LGI2: variants seen among roughly 807,000 people sequenced by gnomAD.
The protein encoded by LGI2 is leucine rich repeat LGI family member 2, also known as leucine-rich repeat LGI family member 2.
Under a neutral mutation model 52.0 loss-of-function variants are expected in LGI2, and 30 were observed. The ratio of observed to expected loss-of-function variants is 0.58; its 90% CI spans 0.43 to 0.78. The LOEUF is 0.78. LGI2 is among the 30% of genes least tolerant of loss of function. The pLI is 0.00. For synonymous variants in LGI2, 270 were observed against 271.8 expected, an observed-to-expected ratio of 0.99 and a Z score of 0.06; for missense variants, 573 against 692.5, an observed-to-expected ratio of 0.83 and a Z score of 1.94.
At chr4:24,995,161 C>T (rs1245705497), downstream of LGI2, among the ~76,000 whole-genome samples, 2 of 152,100 alleles carry the variant, frequency 1.3e-5, no homozygotes, top group African/African-American at 2.4e-5. Flanking sequence ...GTGGAAATGA[C>T]GTCTCTCTCT....
downstream of LGI2, among the ~76,000 whole-genome samples, chr4:24,996,305 T>C (rs1725076980): frequency 6.6e-6 from 1 of 152,192 alleles, no homozygotes; most frequent in South Asian, 2.1e-4. Context: ...GTATCTTTCT[T>C]AAGACTTTTG....
rs1438567230 is a variant in LGI2 at position 25,008,410 on chromosome 4, A to G, written c.820+3925T>C. Among the ~76,000 whole-genome samples, 13 of 152,010 alleles carry G rather than the reference A, an allele frequency of 8.6e-5. No homozygotes were observed. The East Asian group carries it at 2.5e-3, about 30-fold the overall frequency. ...TCTACTAAAAATACAAAAATTATCC[A>G]GGCATGGTGGTGTGTGCCTGTAATC... On this transcript the variant is annotated intron_variant, in intron 7 of 7. Coordinates refer to ENST00000382114, the MANE Select transcript of LGI2 (RefSeq NM_018176.4).
In LGI2 at chr4:25,003,819, T is replaced by A. The variant is rs758971626; in HGVS notation, c.1270A>T (p.Lys424Ter). The A allele has an allele frequency of 6.2e-7, 1 of 1,614,194 alleles. No homozygotes were observed. Among genetic ancestry groups the A allele is most frequent in the Non-Finnish European group, 8.5e-7 (1 of 1,180,040 alleles). ...IPNMEDVLAV[K>*]SFRMQNTLYL... Reference sequence around the variant, plus strand: ...AGGGTATTTTGCATTCGGAAGCTCTTCACAGCCAGTACGTCCTCCATGTTG... The same window carrying A: ...AGGGTATTTTGCATTCGGAAGCTCTACACAGCCAGTACGTCCTCCATGTTG... The change falls in exon 8 of 8, where the codon AAG becomes TAG. Residue 424 changes from lysine (K) to a stop codon, truncating the protein, a stop_gained. Transcript: ENST00000382114. LOFTEE classifies it high-confidence loss of function.
chr4:24,993,084 G>A, the LGI2 span, among the ~76,000 whole-genome samples: 1 of 152,122 alleles, frequency 6.6e-6, no homozygotes, highest in South Asian at 2.1e-4. Context: ...TGTAAAATGG[G>A]GATAATGATT....
At position 24,999,072 on chromosome 4, in the gene LGI2, T is replaced by C. The variant is rs1725160976; in HGVS notation, c.*4379A>G. On this transcript the variant is annotated 3_prime_UTR_variant, in exon 8 of 8. Transcript: ENST00000382114. The stretch of plus-strand genomic sequence containing the variant: ...CATACAAATGGTACCAAATAGCATA[T>C]TGGCCTATTTTATCACAATTCTTAT... The C allele has an allele frequency of 6.6e-6, 1 of 152,208 alleles. No homozygotes were observed. Among genetic ancestry groups the C allele is most frequent in the African/African-American group, 2.4e-5 (1 of 41,440 alleles). The allele number at this position is 152,208 out of a possible 1,614,324, so 9.4% of individuals were successfully genotyped here.
Position 24,999,869 on chromosome 4 carries a change from G to C in LGI2, c.*3582C>G, listed in dbSNP as rs1438376901. 2 of 456,036 alleles carry C rather than the reference G, an allele frequency of 4.4e-6. No homozygotes were observed. The highest frequency in any genetic ancestry group is 8.8e-6 in the Non-Finnish European group (2 of 226,924). The allele number at this position is 456,036 out of a possible 1,614,324, so 28.2% of individuals were successfully genotyped here. A position where few individuals can be genotyped will look rare whatever the true frequency, so the allele number is the denominator to read the frequency against. On this transcript the variant is annotated 3_prime_UTR_variant, in exon 8 of 8. Coordinates refer to ENST00000382114, the MANE Select transcript of LGI2 (RefSeq NM_018176.4). ...AATTCATCACCACTCGTGCATTCAG[G>C]TTTTGAATTTTTCCTTCACAGATCT...
chr4:24,995,923 G>A (rs1465077778), downstream of LGI2, among the ~76,000 whole-genome samples: 1 of 152,200 alleles, frequency 6.6e-6, no homozygotes, highest in Non-Finnish European at 1.5e-5. Flanking sequence ...AACTGATATG[G>A]ATAAATATGG....
At position 25,004,261 on chromosome 4, in the gene LGI2, G is replaced by A; in HGVS notation, c.828C>T (p.Ser276=). ...FRSYDNITGQ[S]IVGCKAILID... is the part of the protein sequence containing the mutation. Reference sequence around the variant, plus strand: ...TGAGAATGGCCTTACAGCCCACGATGGACTGACCTGTGCTCCAAAATAAAG... The same window carrying A: ...TGAGAATGGCCTTACAGCCCACGATAGACTGACCTGTGCTCCAAAATAAAG... Residue 276 remains serine, a synonymous_variant, in exon 8 of 8, where the codon TCC becomes TCT. Transcript: ENST00000382114. This position sits in a 1 kb window ranked among gnomAD's most constrained non-coding sequence, Gnocchi z 4.6. The A allele has an allele frequency of 6.2e-7, 1 of 1,611,284 alleles. No homozygotes were observed. Among genetic ancestry groups the A allele is most frequent in the African/African-American group, 1.3e-5 (1 of 74,872 alleles).
chr4:25,024,542 C>T (rs1304988061), intron 4 of LGI2, among the ~76,000 whole-genome samples: 1 of 152,192 alleles, frequency 6.6e-6, no homozygotes, highest in Non-Finnish European at 1.5e-5. Flanking sequence ...CCATCTCCAC[C>T]ATCAAGCAAC....
rs6448322 is a variant in LGI2 at position 24,999,529 on chromosome 4, G to A, written c.*3922C>T. The A allele has an allele frequency of 0.56, 126,548 of 226,810 alleles. 37,640 individuals carry two copies. The highest frequency in any genetic ancestry group is 0.89 in the East Asian group (6,482 of 7,244). The allele number at this position is 226,810 out of a possible 1,614,324, so 14.0% of individuals were successfully genotyped here. A position where few individuals can be genotyped will look rare whatever the true frequency, so the allele number is the denominator to read the frequency against. ...AAGCTGTTGAACAGAATCTTTGGCC[G>A]CTGCCTAATTAAAGAACTTCCTTCC... On this transcript the variant is annotated 3_prime_UTR_variant, in exon 8 of 8. Coordinates refer to ENST00000382114, the MANE Select transcript of LGI2 (RefSeq NM_018176.4).
At chr4:25,008,808 T>C (rs1252618460) in intron 7 of LGI2, among the ~76,000 whole-genome samples, 2 of 152,134 alleles carry the variant, frequency 1.3e-5, no homozygotes, top group African/African-American at 2.4e-5. Flanking sequence ...CTTCATGTCA[T>C]GCCGCCAAGC....
intron 4 of LGI2, among the ~76,000 whole-genome samples, chr4:25,021,601 A>G (rs545124963): frequency 6.6e-6 from 1 of 152,258 alleles, no homozygotes; most frequent in African/African-American, 2.4e-5. Flanking sequence ...AAATGCTTGA[A>G]TTACTAAATG....
rs541827734 is a variant in LGI2, at chr4:25,017,919, T to TTGA, written c.655+67_655+69dup. ...TATATTCACTTTTCCCCAGTCTCTG[T>TTGA]TGACAGTGTAAAAGAAAGACAAAGA... On this transcript the variant is annotated intron_variant, in intron 6 of 7. Transcript: ENST00000382114. 7.0e-4 allele frequency: 939 copies of TTGA among 1,343,910 alleles called. 1 individual carries two copies. The highest frequency in any genetic ancestry group is 9.0e-4 in the Non-Finnish European group (901 of 999,874). The allele number at this position is 1,343,910 out of a possible 1,614,324, so 83.2% of individuals were successfully genotyped here.
intron 4 of LGI2, among the ~76,000 whole-genome samples, chr4:25,024,058 A>G (rs1178945645): frequency 6.6e-6 from 1 of 152,156 alleles, no homozygotes; most frequent in Non-Finnish European, 1.5e-5. Flanking sequence ...TCTCTATTCC[A>G]CTTTGTCCTA....
chr4:25,026,236 C>T (rs1309150401), intron 3 of LGI2, among the ~76,000 whole-genome samples: 1 of 150,430 alleles, frequency 6.6e-6, no homozygotes, highest in Non-Finnish European at 1.5e-5. Context: ...TACAAAGTTA[C>T]CAAAGACAAG....
At chr4:25,023,174 CA>C (rs1726030350) in intron 4 of LGI2, among the ~76,000 whole-genome samples, 1 of 152,152 alleles carries the variant, frequency 6.6e-6, no homozygotes, top group African/African-American at 2.4e-5. Context: ...TTATGTACAG[CA>C]ATCCTATGAA....
downstream of LGI2, among the ~76,000 whole-genome samples, chr4:24,994,505 T>C (rs1725000402): frequency 6.6e-6 from 1 of 152,132 alleles, no homozygotes; most frequent in Non-Finnish European, 1.5e-5. Context: ...GTGCTATAGG[T>C]GCAATGAGGT....
In LGI2 at chr4:25,026,856, C is replaced by T. The variant is rs375762763; in HGVS notation, c.341+12G>A. 1.6e-5 allele frequency: 26 copies of T among 1,601,680 alleles called. No homozygotes were observed. The highest frequency in any genetic ancestry group is 1.1e-5 in the South Asian group (1 of 90,850). ...CCGAATGTTCAGCAAATAGACAAAG[C>T]ACAAAACTTACAGGTATTCAAGATG... On this transcript the variant is annotated intron_variant, in intron 3 of 7. Coordinates refer to ENST00000382114, the MANE Select transcript of LGI2 (RefSeq NM_018176.4).
At chr4:25,025,462 T>TA (rs1298090014) in intron 3 of LGI2, among the ~76,000 whole-genome samples, 1 of 152,194 alleles carries the variant, frequency 6.6e-6, no homozygotes, top group African/African-American at 2.4e-5. Flanking sequence ...TCAAGCTCTC[T>TA]AAGCTACTAG....
Sources: gnomAD v4.1 joint callset for allele counts (sites outside exome capture counted in the v4.1 genomes callset) on GRCh38, gnomAD v4.1.1 for gene constraint, Gnocchi (gnomAD v3.1) non-coding constraint, MANE v1.5 for transcripts, NCBI Gene and HGNC (gene_info 2026-07-23, HGNC 2026-07-21) for gene names.